The following HS6ST2 variants were observed in gnomAD, a reference collection of about 807,000 sequenced individuals.
HS6ST2 encodes heparan sulfate 6-O-sulfotransferase 2.
A neutral mutation model predicts 33.0 loss-of-function variants in HS6ST2; 17 were observed. That is an observed-to-expected ratio of 0.52 (90% CI 0.35 to 0.77). The LOEUF (loss-of-function observed/expected upper bound fraction) is 0.77, where lower values mean the gene tolerates loss of function less well. HS6ST2 is among the 30% of genes least tolerant of loss of function. The probability of loss-of-function intolerance (pLI) is 0.01; values close to 1 mark genes in which losing one functional copy is unlikely to be tolerated. For synonymous variants in HS6ST2, 248 were observed against 237.1 expected (o/e 1.05, Z -0.42); for missense variants, 519 against 551.7 (o/e 0.94, Z 0.59).
intron 2 of HS6ST2, among the ~76,000 whole-genome samples, chrX:132,721,020 T>C (rs977125625): frequency 1.8e-5 from 2 of 111,741 alleles, no homozygotes; most frequent in African/African-American, 6.5e-5. Context: ...TGGATCTATC[T>C]TCCAGACAGA....
intron 2 of HS6ST2, among the ~76,000 whole-genome samples, chrX:132,748,705 C>A (rs1037521693): frequency 1.8e-5 from 2 of 111,755 alleles, no homozygotes; most frequent in African/African-American, 6.5e-5. Flanking sequence ...TGGGCTCAAA[C>A]AATCCTCCTA....
At chrX:132,672,429 A>T (rs1275094191) in intron 3 of HS6ST2, among the ~76,000 whole-genome samples, 1 of 111,194 alleles carries the variant, frequency 9.0e-6, no homozygotes, top group South Asian at 3.8e-4. Flanking sequence ...CATCACTTTC[A>T]TCTTGTCTTT....
At chrX:132,865,440 G>A (rs1314113673) in intron 2 of HS6ST2, among the ~76,000 whole-genome samples, 2 of 109,501 alleles carry the variant, frequency 1.8e-5, no homozygotes, top group Admixed American at 9.8e-5. Context: ...ATAAACATAC[G>A]TGTGCATGTG....
chrX:132,667,958 C>T (rs2063821674), intron 4 of HS6ST2, among the ~76,000 whole-genome samples: 1 of 111,990 alleles, frequency 8.9e-6, no homozygotes, highest in Non-Finnish European at 1.9e-5. Context: ...GTTCTAACTG[C>T]TTGGAGATTT....
At chrX:132,838,966 G>GAAA (rs201512831) in intron 2 of HS6ST2, among the ~76,000 whole-genome samples, 1 of 85,773 alleles carries the variant, frequency 1.2e-5, no homozygotes, top group African/African-American at 4.2e-5. Context: ...TAAAAAGTCG[G>GAAA]AAAAAAAAAA....
intron 2 of HS6ST2, among the ~76,000 whole-genome samples, chrX:132,943,934 T>A (rs750329565): frequency 8.1e-5 from 9 of 111,502 alleles, no homozygotes; most frequent in Non-Finnish European, 1.5e-4. Context: ...AAGCATTCCC[T>A]TTGAAAACTG....
chrX:132,833,297 ATG>A (rs1292279553), intron 2 of HS6ST2, among the ~76,000 whole-genome samples: 2 of 111,538 alleles, frequency 1.8e-5, no homozygotes, highest in South Asian at 3.8e-4. Flanking sequence ...ATTCATTGGA[ATG>A]TGAGTGCCAG....
Position 132,627,113 on chromosome X carries a change from A to T in HS6ST2, c.*1110T>A, listed in dbSNP as rs1401105543. 8.9e-6 allele frequency: 1 copy of T among 112,600 alleles called. No individual in the cohort carries two copies. The highest frequency in any genetic ancestry group is 3.2e-5 in the African/African-American group (1 of 30,927). 9.3% of individuals were successfully genotyped at this position (112,600 alleles called of 1,213,427 possible). A position where few individuals can be genotyped will look rare whatever the true frequency, so the allele number is the denominator to read the frequency against. On this transcript the variant is annotated 3_prime_UTR_variant, in exon 5 of 5. Coordinates refer to ENST00000370833, the MANE Select transcript of HS6ST2 (RefSeq NM_001394073.1). Reference sequence around the variant, plus strand: ...GGCTAGAAATAGTTGGCCCAACTGGAAACATTACAATAGAGATGTACAAAA... The same window carrying T: ...GGCTAGAAATAGTTGGCCCAACTGGTAACATTACAATAGAGATGTACAAAA...
chrX:132,881,459 C>T (rs1170019703), intron 2 of HS6ST2, among the ~76,000 whole-genome samples: 1 of 90,545 alleles, frequency 1.1e-5, no homozygotes, highest in East Asian at 3.6e-4. Flanking sequence ...ACTTTGCCTA[C>T]TTGTTGATGG....
intron 2 of HS6ST2, among the ~76,000 whole-genome samples, chrX:132,815,426 T>C (rs2065385464): frequency 8.9e-6 from 1 of 111,776 alleles, no homozygotes; most frequent in Non-Finnish European, 1.9e-5. Context: ...AGAGGTTAAG[T>C]AACTTGCCTG....
intron 4 of HS6ST2, among the ~76,000 whole-genome samples, chrX:132,648,579 A>G (rs1411004283): frequency 2.7e-5 from 3 of 110,078 alleles, no homozygotes; most frequent in African/African-American, 9.9e-5. Context: ...AAATACAGAG[A>G]ACAAGTTTAA....
chrX:132,779,402 A>T (rs1266277630), intron 2 of HS6ST2, among the ~76,000 whole-genome samples: 1 of 111,890 alleles, frequency 8.9e-6, no homozygotes, highest in East Asian at 2.8e-4. Flanking sequence ...CAAATATCAC[A>T]TTACTATCAT....
chrX:132,717,656 G>T (rs2064288094), intron 2 of HS6ST2, among the ~76,000 whole-genome samples: 1 of 112,222 alleles, frequency 8.9e-6, no homozygotes. Flanking sequence ...AGTAGTCTTT[G>T]TCACTGTGGC....
At chrX:132,802,991 A>G (rs2065249230) in intron 2 of HS6ST2, among the ~76,000 whole-genome samples, 1 of 111,231 alleles carries the variant, frequency 9.0e-6, no homozygotes, top group African/African-American at 3.3e-5. Flanking sequence ...AACATGATCA[A>G]CAGGGCTGCT....
At chrX:132,723,330 G>A (rs188876860) in intron 2 of HS6ST2, among the ~76,000 whole-genome samples, 10 of 111,634 alleles carry the variant, frequency 9.0e-5, no homozygotes, top group African/African-American at 3.3e-4. Context: ...ATTCTACCAG[G>A]CCAGTATTAC....
chrX:132,741,985 A>C (rs1373337647), intron 2 of HS6ST2, among the ~76,000 whole-genome samples: 2 of 112,308 alleles, frequency 1.8e-5, no homozygotes, highest in Non-Finnish European at 3.8e-5. Flanking sequence ...AGTGCCTGTC[A>C]CACAAGACAC....
intron 3 of HS6ST2, among the ~76,000 whole-genome samples, chrX:132,693,387 A>T (rs368918372): frequency 1.8e-5 from 2 of 112,005 alleles, no homozygotes; most frequent in South Asian, 7.5e-4. Context: ...AGCAGGATTT[A>T]CTAGTGGTGT....
intron 2 of HS6ST2, among the ~76,000 whole-genome samples, chrX:132,710,067 T>C (rs992214299): frequency 9.0e-6 from 1 of 111,375 alleles, no homozygotes; most frequent in Admixed American, 9.6e-5. Flanking sequence ...TATTTCTAGG[T>C]AAACTTCTTG....
At chrX:132,670,192 G>A (rs1228800547) in intron 3 of HS6ST2, among the ~76,000 whole-genome samples, 1 of 111,336 alleles carries the variant, frequency 9.0e-6, no homozygotes. Context: ...CTTTTAATGT[G>A]TATAATAGAA....
Sources: gnomAD v4.1 joint callset for allele counts (sites outside exome capture counted in the v4.1 genomes callset) on GRCh38, gnomAD v4.1.1 for gene constraint, MANE v1.5 for transcripts, NCBI Gene and HGNC (gene_info 2026-07-23, HGNC 2026-07-21) for gene names.